The following VWA3A variants were observed in gnomAD, a reference collection of about 807,000 sequenced individuals.
The protein encoded by VWA3A is von Willebrand factor A domain containing 3A.
In VWA3A, 134 loss-of-function variants were observed where a neutral mutation model predicts 160.4. That is an observed-to-expected ratio of 0.84 (90% CI 0.73 to 0.96). The LOEUF (loss-of-function observed/expected upper bound fraction) is 0.96. Ranked by LOEUF, VWA3A falls within the 40% of genes least tolerant of loss-of-function variation. The pLI, the probability that VWA3A is intolerant of heterozygous loss-of-function variation, is 0.00. For synonymous variants in VWA3A, 476 were observed against 543.4 expected (o/e 0.88, Z 1.72); for missense variants, 1,310 against 1,447.9 (o/e 0.90, Z 1.55).
rs372725818 is a variant in VWA3A, at chr16:22,155,623, C to G, written c.3462C>G (p.Ile1154Met). 1 of 1,614,006 alleles carries G rather than the reference C, an allele frequency of 6.2e-7. No homozygotes were observed. The highest frequency in any genetic ancestry group is 8.5e-7 in the Non-Finnish European group (1 of 1,179,908). Residue 1154 changes from isoleucine to methionine, a missense_variant, in exon 32 of 34, where the codon ATC becomes ATG. By Grantham distance (10) the Ile-to-Met change is conservative (BLOSUM62 1). Transcript: ENST00000389398. ...GDDLRILAQEITKARSFLWQA... is the reference protein window; with the variant it reads ...GDDLRILAQEMTKARSFLWQA... ...ATTTAAGGATCCTGGCCCAGGAGAT[C>G]ACCAAGGCCAGAAGCTTCCTCTGGC...
intron 12 of VWA3A, among the ~76,000 whole-genome samples, chr16:22,119,756 G>A (rs2045702645): frequency 1.3e-5 from 2 of 152,140 alleles, no homozygotes; most frequent in Non-Finnish European, 2.9e-5. Flanking sequence ...GATGGCTCAT[G>A]CCTGTAATCC....
rs1442166017 is a variant in VWA3A, at chr16:22,142,740, A to G, written c.2567A>G (p.Lys856Arg). The G allele has an allele frequency of 1.9e-6, 3 of 1,573,464 alleles. No individual in the cohort carries two copies. Among genetic ancestry groups the G allele is most frequent in the Non-Finnish European group, 1.7e-6 (2 of 1,158,584 alleles). ...AGCTCTTCTATTGACTTACCCAGAA[A>G]GGATACAGTTTGCTCAAGCCAAGAG... The part of the protein sequence containing the change: ...RTSSSIDLPR[K>R]DTVCSSQEWV... The change falls in exon 25 of 34, where the codon AAG (lysine) becomes AGG (arginine). Residue 856 changes from lysine (K) to arginine (R), a missense_variant. Physicochemically the swap from Lys to Arg is conservative, Grantham distance 26. Coordinates refer to ENST00000389398, the MANE Select transcript of VWA3A (RefSeq NM_173615.5).
At chr16:22,152,390 C>A in intron 30 of VWA3A, 121 bp from the exon 31 acceptor site, 2 of 1,312,178 alleles carry the variant, frequency 1.5e-6, no homozygotes, top group Non-Finnish European at 2.1e-6. Context: ...CAAGCCACGG[C>A]CCATTGCCAG....
At chr16:22,096,774 G>C in intron 1 of VWA3A, 85 bp from the exon 2 acceptor site, 1 of 887,260 alleles carries the variant, frequency 1.1e-6, no homozygotes, top group Non-Finnish European at 1.8e-6. Flanking sequence ...AGAAAAAGAA[G>C]CATTGTGCTG....
intron 3 of VWA3A, among the ~76,000 whole-genome samples, chr16:22,098,911 CAAAAAAAAAAA>C (rs900328333): frequency 1.9e-4 from 8 of 41,058 alleles, no homozygotes; most frequent in African/African-American, 3.0e-4. Flanking sequence ...CCTGTTTCCA[CAAAAAAAAAAA>C]AAAAAAAAAA....
chr16:22,122,116 G>T (rs574366214), intron 14 of VWA3A, among the ~76,000 whole-genome samples: 1 of 146,208 alleles, frequency 6.8e-6, no homozygotes, highest in African/African-American at 2.6e-5. Context: ...AGAAGGAAAA[G>T]AATGATGGAT....
intron 17 of VWA3A, among the ~76,000 whole-genome samples, chr16:22,129,990 C>A (rs2045920916): frequency 6.6e-6 from 1 of 152,086 alleles, no homozygotes; most frequent in African/African-American, 2.4e-5. Context: ...GAGTTTGAGA[C>A]CAGCCTGGCC....
chr16:22,112,881 G>A (rs1033928362), intron 8 of VWA3A, among the ~76,000 whole-genome samples: 1 of 152,198 alleles, frequency 6.6e-6, no homozygotes, highest in Non-Finnish European at 1.5e-5. Flanking sequence ...ACTACTGGGT[G>A]GTCTTGACAA....
chr16:22,145,804 A>T (rs1598104658), intron 26 of VWA3A, among the ~76,000 whole-genome samples: 1 of 151,492 alleles, frequency 6.6e-6, no homozygotes, highest in East Asian at 1.9e-4. Flanking sequence ...CACTTAACAG[A>T]TGGTTGTTTT....
At chr16:22,132,770 A>T (rs1290185569) in intron 19 of VWA3A, 130 bp from the exon 20 acceptor site, 9 of 851,026 alleles carry the variant, frequency 1.1e-5, no homozygotes, top group African/African-American at 3.4e-5. Flanking sequence ...ATCTCTTTCC[A>T]TCCTTGTGCC....
At chr16:22,138,081 A>G (rs1046694067) in intron 21 of VWA3A, among the ~76,000 whole-genome samples, 2 of 152,126 alleles carry the variant, frequency 1.3e-5, no homozygotes, top group African/African-American at 2.4e-5. Flanking sequence ...CACCTACCCT[A>G]TCGGCATAGC....
At chr16:22,103,449 G>C in intron 5 of VWA3A, 26 bp from the exon 6 acceptor site, 1 of 1,550,712 alleles carries the variant, frequency 6.4e-7, no homozygotes, top group Non-Finnish European at 8.7e-7. Flanking sequence ...GGCCTTGGGT[G>C]ATGAGTCTTT....
chr16:22,134,493 G>A, intron 21 of VWA3A, 55 bp downstream of exon 21: 1 of 1,459,150 alleles, frequency 6.9e-7, no homozygotes. Flanking sequence ...CATTTCCTGG[G>A]GCTACCATAA....
At position 22,146,354 on chromosome 16, in the gene VWA3A, C is replaced by A. The variant is rs755637026; in HGVS notation, c.2839+10C>A. ...CAGTGGCTGCTGTCCGGTGAGCCTG[C>A]CCACTGCCCTGAAGGGTGGAGGAGC... On this transcript the variant is annotated intron_variant, in intron 27 of 33. Transcript: ENST00000389398. The A allele has an allele frequency of 1.2e-6, 2 of 1,608,936 alleles. No homozygotes were observed. Among genetic ancestry groups the A allele is most frequent in the Non-Finnish European group, 1.7e-6 (2 of 1,176,622 alleles).
rs2046318347 is a variant in VWA3A at position 22,149,861 on chromosome 16, G to A, written c.3059G>A (p.Cys1020Tyr). The A allele has an allele frequency of 1.9e-6, 3 of 1,612,756 alleles. No individual in the cohort carries two copies. The highest frequency in any genetic ancestry group is 1.3e-5 in the African/African-American group (1 of 74,882). The change falls in exon 29 of 34, where the codon TGT (cysteine) becomes TAT (tyrosine). Residue 1020 changes from cysteine to tyrosine, a missense_variant. Cys to Tyr is a radical substitution (Grantham distance 194). Transcript: ENST00000389398. ...CTGGTGGAGACCACAGATGCAGCGT[G>A]TCATGAGGCTATGCAATGGGTGACC... ...DTLVETTDAA[C>Y]HEAMQWVTHL... is the part of the protein sequence containing the mutation.
chr16:22,119,782 C>G (rs1203287437), intron 12 of VWA3A, among the ~76,000 whole-genome samples: 2 of 152,172 alleles, frequency 1.3e-5, no homozygotes, highest in Non-Finnish European at 2.9e-5. Flanking sequence ...CTTTGTGAGG[C>G]TGAGGCAGGT....
intron 3 of VWA3A, among the ~76,000 whole-genome samples, chr16:22,099,327 G>A (rs1056387121): frequency 6.6e-6 from 1 of 152,206 alleles, no homozygotes; most frequent in African/African-American, 2.4e-5. Flanking sequence ...CCTTCATGGA[G>A]GTGGTCACAG....
intron 5 of VWA3A, 139 bp from the exon 6 acceptor site, chr16:22,103,336 G>C: frequency 1.3e-6 from 1 of 746,528 alleles, no homozygotes. Flanking sequence ...GCACCTAAAA[G>C]GTTCACCACC....
chr16:22,152,601 C>T lies in VWA3A; in HGVS notation c.3372C>T (p.His1124=). The change falls in exon 31 of 34, where the codon CAC becomes CAT. Residue 1124 remains histidine (H), a synonymous_variant. Coordinates refer to ENST00000389398, the MANE Select transcript of VWA3A (RefSeq NM_173615.5). ...PVGEDTLSKI[H]SLLTKGFINE... is the part of the protein sequence containing the mutation. ...GTGAGGACACACTCTCCAAAATTCA[C>T]AGCCTGCTGACCAAAGGCTTCATCA... 6.2e-7 allele frequency: 1 copy of T among 1,609,458 alleles called. No homozygotes were observed. Among genetic ancestry groups the T allele is most frequent in the South Asian group, 1.1e-5 (1 of 89,986 alleles).
Sources: gnomAD v4.1 joint callset for allele counts (sites outside exome capture counted in the v4.1 genomes callset) on GRCh38, gnomAD v4.1.1 for gene constraint, MANE v1.5 for transcripts, NCBI Gene and HGNC (gene_info 2026-07-23, HGNC 2026-07-21) for gene names.